The following STK3 variants were observed in gnomAD, a reference collection of about 807,000 sequenced individuals.
STK3 encodes the protein serine/threonine-protein kinase 3.
STK3 carries 41 observed loss-of-function variants against 58.0 expected under a neutral mutation model. That is an observed-to-expected ratio of 0.71 (90% CI 0.55 to 0.92). The LOEUF (loss-of-function observed/expected upper bound fraction) is 0.92, where lower values mean the gene tolerates loss of function less well. Ranked by LOEUF, STK3 falls within the 40% of genes least tolerant of loss-of-function variation. The pLI is 0.00. For synonymous variants in STK3, 170 were observed against 191.0 expected, an observed-to-expected ratio of 0.89 and a Z score of 0.91; for missense variants, 479 against 602.7, an observed-to-expected ratio of 0.79 and a Z score of 2.15.
chr8:98,692,957 G>GA lies in STK3; in HGVS notation c.684+13509_684+13510insT, dbSNP rs1473381809. Among the ~76,000 whole-genome samples the GA allele has an allele frequency of 4.0e-4, 61 of 152,056 alleles. No individual in the cohort carries two copies. In the Middle Eastern group the frequency reaches 0.01, roughly 25 times the overall value. On this transcript the variant is annotated intron_variant, in intron 6 of 10. Transcript: ENST00000419617. ...CTCTAAATGTTACACAATTTGGGGG[G>GA]GAAAAATACAATTTATGCAGATATA... is the stretch of plus-strand genomic sequence containing the variant.
chr8:98,523,707 T>G (rs572038733), intron 10 of STK3, among the ~76,000 whole-genome samples: 4 of 147,700 alleles, frequency 2.7e-5, no homozygotes, highest in South Asian at 4.3e-4. Context: ...ACTGTTTGGG[T>G]TTTTTTTTTG....
intron 6 of STK3, among the ~76,000 whole-genome samples, chr8:98,620,211 C>T (rs1818151308): frequency 1.1e-5 from 1 of 91,738 alleles, no homozygotes; most frequent in Non-Finnish European, 2.1e-5. Context: ...TAAACTATCG[C>T]AAGAACAAAA....
intron 9 of STK3, among the ~76,000 whole-genome samples, chr8:98,542,233 G>A (rs1810335251): frequency 6.6e-6 from 1 of 151,210 alleles, no homozygotes; most frequent in Admixed American, 6.6e-5. Flanking sequence ...AAAATAAAAT[G>A]TAAATGTACT....
intron 1 of STK3, among the ~76,000 whole-genome samples, chr8:98,813,918 A>T (rs1253366214): frequency 6.6e-6 from 1 of 152,220 alleles, no homozygotes; most frequent in Non-Finnish European, 1.5e-5. Flanking sequence ...CTAGTAAAAT[A>T]AAAATTAAAA....
At chr8:98,903,237 A>G (rs1838726230) in intron 1 of STK3, among the ~76,000 whole-genome samples, 2 of 152,228 alleles carry the variant, frequency 1.3e-5, no homozygotes. Context: ...TGCTTATATC[A>G]TATATGCCTG....
chr8:98,551,859 T>C (rs922168928), intron 8 of STK3, among the ~76,000 whole-genome samples: 4 of 152,148 alleles, frequency 2.6e-5, no homozygotes, highest in African/African-American at 9.7e-5. Context: ...TCAATACATA[T>C]TGACTTTTTC....
the STK3 span, among the ~76,000 whole-genome samples, chr8:98,365,714 GA>G: frequency 2.1e-4 from 31 of 150,384 alleles, 1 homozygote; most frequent in Non-Finnish European, 2.7e-4. Context: ...CACCACACAT[GA>G]ATGTATTGAT....
intron 3 of STK3, among the ~76,000 whole-genome samples, chr8:98,872,137 G>C (rs2131878006): frequency 6.6e-6 from 1 of 152,278 alleles, no homozygotes; most frequent in Admixed American, 6.5e-5. Context: ...TTATATGATG[G>C]ATTACGTTTA....
intron 1 of STK3, among the ~76,000 whole-genome samples, chr8:98,383,138 C>A (rs1181938640): frequency 6.6e-6 from 1 of 152,152 alleles, no homozygotes; most frequent in Admixed American, 6.5e-5. Flanking sequence ...CTCATTCATC[C>A]TTAACAGCAA....
chr8:98,650,263 G>T (rs1162757692), intron 6 of STK3, among the ~76,000 whole-genome samples: 1 of 152,172 alleles, frequency 6.6e-6, no homozygotes, highest in Non-Finnish European at 1.5e-5. Context: ...TAACGATAAT[G>T]ATAATAATGA....
At chr8:98,890,897 C>T (rs1838173421) in intron 1 of STK3, among the ~76,000 whole-genome samples, 2 of 152,144 alleles carry the variant, frequency 1.3e-5, no homozygotes, top group South Asian at 2.1e-4. Context: ...TTGTGTTTGT[C>T]CTTGAATTGA....
chr8:98,858,840 C>T (rs187718012), intron 3 of STK3, among the ~76,000 whole-genome samples: 172 of 148,844 alleles, frequency 1.2e-3, no homozygotes, highest in African/African-American at 4.0e-3. Context: ...TGCAGTGAGC[C>T]GAGATAATGC....
chr8:98,420,819 C>A (rs1818163899), intron 3 of STK3, among the ~76,000 whole-genome samples: 1 of 152,232 alleles, frequency 6.6e-6, no homozygotes, highest in African/African-American at 2.4e-5. Context: ...CTCGTCATGG[C>A]TAACATTTTC....
At chr8:98,812,298 C>T (rs1052069643) in intron 1 of STK3, among the ~76,000 whole-genome samples, 4 of 152,202 alleles carry the variant, frequency 2.6e-5, no homozygotes, top group African/African-American at 9.7e-5. Flanking sequence ...TGTTCACCAT[C>T]ACTGGCCATC....
At chr8:98,537,266 CTT>C (rs1291695626) in intron 9 of STK3, among the ~76,000 whole-genome samples, 33 of 152,042 alleles carry the variant, frequency 2.2e-4, no homozygotes, top group Non-Finnish European at 7.4e-5. Flanking sequence ...TAGAGTATCT[CTT>C]TGTCATACAC....
At chr8:98,776,112 G>A in intron 1 of STK3, among the ~76,000 whole-genome samples, 1 of 152,220 alleles carries the variant, frequency 6.6e-6, no homozygotes, top group Non-Finnish European at 1.5e-5. Flanking sequence ...AAACATCACA[G>A]TTTAGTGTTA....
chr8:98,650,694 C>T (rs200388661), intron 6 of STK3, among the ~76,000 whole-genome samples: 1 of 152,216 alleles, frequency 6.6e-6, no homozygotes, highest in East Asian at 1.9e-4. Context: ...TATATCCCGC[C>T]CATGGCTCGG....
In STK3 at chr8:98,818,860, G is replaced by A. The variant is rs571891228; in HGVS notation, c.26+6655C>T. On this transcript the variant is annotated intron_variant, in intron 1 of 10. Coordinates refer to ENST00000419617, the MANE Select transcript of STK3 (RefSeq NM_006281.4). ...GTTTTTTTGAGACGGAGTCTCTGTC[G>A]CCCAGGCTGGAGTTCGGTGGCGCAA... Among the ~76,000 whole-genome samples the A allele has an allele frequency of 3.3e-5, 5 of 151,960 alleles. No individual in the cohort carries two copies. The South Asian group carries it at 6.2e-4, about 19-fold the overall frequency.
rs566320619 is a variant in STK3, at chr8:98,726,243, A to C, written c.352-18932T>G. Among the ~76,000 whole-genome samples the C allele has an allele frequency of 6.6e-5, 10 of 152,372 alleles. No homozygotes were observed. In the East Asian group the frequency reaches 1.9e-3, roughly 29 times the overall value. Reference sequence around the variant, plus strand: ...GTGAAAACTGGGCAACTTACCAATAAGGGAAGCCAAGGAAATACCTTTGTA... The same window carrying C: ...GTGAAAACTGGGCAACTTACCAATACGGGAAGCCAAGGAAATACCTTTGTA... On this transcript the variant is annotated intron_variant, in intron 4 of 10. Coordinates refer to ENST00000419617, the MANE Select transcript of STK3 (RefSeq NM_006281.4).
Sources: gnomAD v4.1 joint callset for allele counts (sites outside exome capture counted in the v4.1 genomes callset) on GRCh38, gnomAD v4.1.1 for gene constraint, MANE v1.5 for transcripts, NCBI Gene and HGNC (gene_info 2026-07-23, HGNC 2026-07-21) for gene names.